Variants in KCNH8 observed in about 807,000 individuals in gnomAD.
The protein encoded by KCNH8 is voltage-gated delayed rectifier potassium channel KCNH8.
A neutral mutation model predicts 103.6 loss-of-function variants in KCNH8; 70 were observed. The observed-to-expected ratio is 0.68, with a 90% confidence interval of 0.56 to 0.82. The LOEUF (loss-of-function observed/expected upper bound fraction) is 0.82, where lower values mean the gene tolerates loss of function less well. Ranked by LOEUF, KCNH8 falls within the 40% of genes least tolerant of loss-of-function variation. The pLI, the probability that KCNH8 is intolerant of heterozygous loss-of-function variation, is 0.00. For missense variants in KCNH8, 1,217 were observed against 1,329.9 expected (o/e 0.92, Z 1.32); for synonymous variants, 498 against 489.4 (o/e 1.02, Z -0.23).
intron 7 of KCNH8, among the ~76,000 whole-genome samples, chr3:19,401,061 A>G (rs980143681): frequency 6.6e-6 from 1 of 151,986 alleles, no homozygotes; most frequent in Non-Finnish European, 1.5e-5. Context: ...GGACTCCTGG[A>G]TTTATTTTTT....
chr3:19,401,255 A>G (rs1417240942), intron 7 of KCNH8, among the ~76,000 whole-genome samples: 1 of 152,004 alleles, frequency 6.6e-6, no homozygotes. Flanking sequence ...AGGTTTTTAA[A>G]ATGTCTTGAG....
At chr3:19,240,704 A>G (rs2064128948) in intron 1 of KCNH8, among the ~76,000 whole-genome samples, 1 of 152,112 alleles carries the variant, frequency 6.6e-6, no homozygotes, top group Non-Finnish European at 1.5e-5. Flanking sequence ...CTTAAACAGC[A>G]TATATAAGAC....
intron 7 of KCNH8, among the ~76,000 whole-genome samples, chr3:19,429,811 C>T (rs1364506736): frequency 4.0e-5 from 6 of 151,804 alleles, no homozygotes; most frequent in Non-Finnish European, 5.9e-5. Flanking sequence ...GTTGTGAGAA[C>T]ATGCAGCATT....
chr3:19,177,030 CAT>C (rs529173761), intron 1 of KCNH8, among the ~76,000 whole-genome samples: 4 of 152,120 alleles, frequency 2.6e-5, no homozygotes, highest in Non-Finnish European at 4.4e-5. Context: ...TTATCTAACA[CAT>C]GTGTTTTCTC....
chr3:19,221,282 G>T (rs1462237572), intron 1 of KCNH8, among the ~76,000 whole-genome samples: 1 of 152,192 alleles, frequency 6.6e-6, no homozygotes, highest in Non-Finnish European at 1.5e-5. Context: ...GTGTTAGGAC[G>T]CTAAGGGGCA....
At chr3:19,510,273 A>C (rs919253260) in intron 11 of KCNH8, 90 bp from the exon 12 acceptor site, 2 of 802,968 alleles carry the variant, frequency 2.5e-6, no homozygotes, top group Non-Finnish European at 4.4e-6. Flanking sequence ...AACTCTGTAC[A>C]TACTTCTCTT....
chr3:19,370,230 A>G (rs2066069373), intron 5 of KCNH8, among the ~76,000 whole-genome samples: 1 of 151,996 alleles, frequency 6.6e-6, no homozygotes, highest in Non-Finnish European at 1.5e-5. Flanking sequence ...TGACTTTATA[A>G]TTACCTATTT....
chr3:19,450,227 G>A lies in KCNH8; in HGVS notation c.1497G>A (p.Leu499=). The A allele has an allele frequency of 2.5e-6, 4 of 1,613,586 alleles. No individual in the cohort carries two copies. Among genetic ancestry groups the A allele is most frequent in the Non-Finnish European group, 3.4e-6 (4 of 1,179,770 alleles). Residue 499 remains leucine (L), a synonymous_variant, in exon 9 of 16, where the codon TTG becomes TTA. Transcript: ENST00000328405. ...DLKDFIRVHH[L]PQQLKQRMLE... ...AAGATTTCATCCGTGTCCATCACTT[G>A]CCCCAACAACTCAAGCAGAGGATGC...
At chr3:19,175,552 C>G (rs2063391638) in intron 1 of KCNH8, among the ~76,000 whole-genome samples, 1 of 152,056 alleles carries the variant, frequency 6.6e-6, no homozygotes. Context: ...TGTACAATTT[C>G]TTTTATTTCA....
chr3:19,448,847 G>A, intron 8 of KCNH8: 2 of 440,614 alleles, frequency 4.5e-6, no homozygotes, highest in Non-Finnish European at 4.2e-6. Flanking sequence ...CCAGAATAAG[G>A]ATCAGGGATA....
chr3:19,525,760 G>A (rs2069053262), intron 15 of KCNH8, among the ~76,000 whole-genome samples: 2 of 151,940 alleles, frequency 1.3e-5, no homozygotes, highest in Admixed American at 1.3e-4. Context: ...ACCCTGGTTA[G>A]TAGTCCTGTG....
Position 19,456,795 on chromosome 3 carries a change from T to C in KCNH8, c.1853T>C (p.Leu618Pro). The C allele has an allele frequency of 1.2e-6, 2 of 1,610,028 alleles. No individual in the cohort carries two copies. Among genetic ancestry groups the C allele is most frequent in the Non-Finnish European group, 1.7e-6 (2 of 1,176,744 alleles). ...AAAGGGGATTTAATTGGAGCAAATC[T>C]ATCAATTAAGGACCAAGTGATCAAG... The part of the protein sequence containing the change: ...LGKGDLIGAN[L>P]SIKDQVIKTN... The change falls in exon 11 of 16, where the codon CTA (leucine) becomes CCA (proline). Residue 618 changes from leucine to proline, a missense_variant. Coordinates refer to ENST00000328405, the MANE Select transcript of KCNH8 (RefSeq NM_144633.3).
intron 1 of KCNH8, among the ~76,000 whole-genome samples, chr3:19,229,576 G>A (rs7652964): frequency 0.057 from 8,682 of 152,228 alleles, 838 homozygotes; most frequent in African/African-American, 0.19. Flanking sequence ...CGTAGGCTGC[G>A]CACAGCATGC....
Position 19,253,747 on chromosome 3 carries a change from G to T in KCNH8, c.170G>T (p.Arg57Leu). Reference sequence around the variant, plus strand: ...TTCTGCGAGCTTGCTGGATTTGCCCGAACTGAAGTCATGCAGAAGAGTTGT... The same window carrying T: ...TTCTGCGAGCTTGCTGGATTTGCCCTAACTGAAGTCATGCAGAAGAGTTGT... ...DGFCELAGFA[R>L]TEVMQKSCSC... is the part of the protein sequence containing the mutation. The change falls in exon 2 of 16, where the codon CGA becomes CTA. Residue 57 changes from arginine (R) to leucine (L), a missense_variant. By Grantham distance (102) the Arg-to-Leu change is moderately radical. Transcript: ENST00000328405. 6.2e-7 allele frequency: 1 copy of T among 1,613,754 alleles called. No homozygotes were observed. Among genetic ancestry groups the T allele is most frequent in the Non-Finnish European group, 8.5e-7 (1 of 1,179,910 alleles).
intron 7 of KCNH8, among the ~76,000 whole-genome samples, chr3:19,436,710 C>T (rs961776072): frequency 2.0e-5 from 3 of 152,142 alleles, no homozygotes; most frequent in African/African-American, 7.2e-5. Context: ...CCCTGAAACA[C>T]TTCAGAGACA....
At position 19,246,653 on chromosome 3, in the gene KCNH8, GTC is replaced by G. The variant is rs1027496204; in HGVS notation, c.77-6995_77-6994del. 2.6e-5 allele frequency among the ~76,000 whole-genome samples: 4 copies of G among 152,180 alleles called. No homozygotes were observed. The South Asian group carries it at 8.3e-4, about 32-fold the overall frequency. On this transcript the variant is annotated intron_variant, in intron 1 of 15. Coordinates refer to ENST00000328405, the MANE Select transcript of KCNH8 (RefSeq NM_144633.3). The stretch of plus-strand genomic sequence containing the variant: ...TAAAATGGGTATACAATGAAAATAA[GTC>G]TCTCTTATTTTTTTATCCTCAGCCG...
intron 1 of KCNH8, among the ~76,000 whole-genome samples, chr3:19,237,118 C>T (rs2064076423): frequency 6.6e-6 from 1 of 152,190 alleles, no homozygotes; most frequent in Middle Eastern, 3.2e-3. Flanking sequence ...TCTTTTTGAA[C>T]TTAGTATTTA....
intron 11 of KCNH8, among the ~76,000 whole-genome samples, chr3:19,493,062 G>C (rs920382918): frequency 1.3e-5 from 2 of 151,038 alleles, no homozygotes; most frequent in Non-Finnish European, 2.9e-5. Context: ...ATTGATTTTT[G>C]TACATTGATT....
chr3:19,265,185 T>G (rs1419079538), intron 2 of KCNH8, among the ~76,000 whole-genome samples: 1 of 152,114 alleles, frequency 6.6e-6, no homozygotes, highest in Non-Finnish European at 1.5e-5. Flanking sequence ...TTTGCTTGTT[T>G]GAGCCCCAGC....
Sources: allele counts gnomAD v4.1 joint callset (sites outside exome capture counted in the v4.1 genomes callset), GRCh38; gene constraint gnomAD v4.1.1; transcripts MANE v1.5; gene names NCBI Gene and HGNC (gene_info 2026-07-23, HGNC 2026-07-21).